WDR86: variants seen among roughly 807,000 people sequenced by gnomAD.
The protein encoded by WDR86 is WD repeat domain 86, also known as WD repeat-containing protein 86.
WDR86 carries 30 observed loss-of-function variants against 36.5 expected under a neutral mutation model. The observed-to-expected ratio is 0.82, with a 90% CI of 0.61 to 1.11. The LOEUF is 1.11. Ranked by LOEUF, WDR86 falls within the 50% of genes most tolerant of loss-of-function variation. The pLI is 0.00. For missense variants in WDR86, 545 were observed against 561.2 expected (o/e 0.97, Z 0.29); for synonymous variants, 255 against 252.9 (o/e 1.01, Z -0.08).
chr7:151,381,496 T>C lies in WDR86; in HGVS notation c.*86A>G, dbSNP rs1293954974. The C allele has an allele frequency of 7.5e-6, 11 of 1,459,928 alleles. No individual in the cohort carries two copies. Among genetic ancestry groups the C allele is most frequent in the Non-Finnish European group, 9.9e-6 (11 of 1,115,734 alleles). The allele number at this position is 1,459,928 out of a possible 1,614,324, so 90.4% of individuals were successfully genotyped here. The stretch of plus-strand genomic sequence containing the variant: ...CTCGCTCCTCGCCCCTCGCCGGCCA[T>C]CGGGCGCCACCACCGCGGGTAGCAG... On this transcript the variant is annotated 3_prime_UTR_variant, in exon 6 of 6. Transcript: ENST00000334493. The surrounding 1 kb of genome is among the most constrained non-coding windows in gnomAD (Gnocchi z 4.8).
the WDR86 span, among the ~76,000 whole-genome samples, chr7:151,370,728 GT>G: frequency 7.7e-6 from 1 of 129,834 alleles, no homozygotes; most frequent in African/African-American, 3.0e-5. Flanking sequence ...AGAGTGTGAT[GT>G]CCCCCTTCCT....
downstream of WDR86, among the ~76,000 whole-genome samples, chr7:151,372,528 T>A (rs1798009465): frequency 6.6e-6 from 1 of 152,150 alleles, no homozygotes; most frequent in African/African-American, 2.4e-5. Flanking sequence ...AAGCAGAGGA[T>A]GGGGCCAGTA....
At chr7:151,402,047 C>CAAAAAAAA (rs71198714) in intron 1 of WDR86, among the ~76,000 whole-genome samples, 8 of 14,954 alleles carry the variant, frequency 5.3e-4, no homozygotes, top group Non-Finnish European at 7.9e-4. Flanking sequence ...AACTCTGCCT[C>CAAAAAAAA]AAAAAAAAAA....
chr7:151,395,604 C>T (rs10952311), intron 3 of WDR86, among the ~76,000 whole-genome samples, 172 bp downstream of exon 3: 103,703 of 151,672 alleles, frequency 0.68, 35,613 homozygotes, highest in East Asian at 0.83. Flanking sequence ...TACTGCGGAC[C>T]CCTTATCTTG....
intron 2 of WDR86, 80 bp downstream of exon 2, chr7:151,400,020 G>C: frequency 7.4e-7 from 1 of 1,346,724 alleles, no homozygotes. Flanking sequence ...TCACGTGCAG[G>C]GGCCCATATC....
downstream of WDR86, among the ~76,000 whole-genome samples, chr7:151,379,966 TC>T (rs1415511049): frequency 6.6e-6 from 1 of 152,154 alleles, no homozygotes; most frequent in Non-Finnish European, 1.5e-5. Context: ...ACCGGAACCG[TC>T]CCTTCAGCAC....
chr7:151,381,570 G>A lies in WDR86; in HGVS notation c.*12C>T. ...GGGTGTCTGGGCTGGCGTCTGCAGG[G>A]GCCCCGCGGGATCAGGCCGGCTGCA... On this transcript the variant is annotated 3_prime_UTR_variant, in exon 6 of 6. Coordinates refer to ENST00000334493, the MANE Select transcript of WDR86 (RefSeq NM_198285.3). This position sits in a 1 kb window ranked among gnomAD's most constrained non-coding sequence, Gnocchi z 4.8. 2 of 1,372,638 alleles carry A rather than the reference G, an allele frequency of 1.5e-6. No homozygotes were observed. Among genetic ancestry groups the A allele is most frequent in the Non-Finnish European group, 1.9e-6 (2 of 1,073,300 alleles). 85.0% of individuals were successfully genotyped at this position (1,372,638 alleles called of 1,614,324 possible).
rs904515382 is a variant in WDR86, at chr7:151,390,600, C to T, written c.726+5176G>A. ...ACTGAAGGCAGGATGCACCCAGATC[C>T]CGTCCACCCGTTCACAACAGCTGAA... On this transcript the variant is annotated intron_variant, in intron 3 of 5. Transcript: ENST00000334493. The surrounding 1 kb of genome is among the most constrained non-coding windows in gnomAD (Gnocchi z 4.5). 3.3e-5 allele frequency among the ~76,000 whole-genome samples: 5 copies of T among 152,332 alleles called. No individual in the cohort carries two copies. The highest frequency in any genetic ancestry group is 3.4e-3 in the Middle Eastern group (1 of 294).
chr7:151,397,810 G>A (rs1352195171), intron 2 of WDR86, among the ~76,000 whole-genome samples: 56 of 131,300 alleles, frequency 4.3e-4, no homozygotes, highest in Admixed American at 3.9e-3. Flanking sequence ...AGGGCATAGC[G>A]GGAGGAAGAG....
chr7:151,381,079 A>C, downstream of WDR86: 1 of 1,121,058 alleles, frequency 8.9e-7, no homozygotes, highest in Non-Finnish European at 1.1e-6. The surrounding 1 kb of genome is among the most constrained non-coding windows in gnomAD (Gnocchi z 4.8). Context: ...CTCCAAAAAG[A>C]AGCTGAGACT....
At chr7:151,402,070 A>AATATATATATATATATAT (rs748373598) in intron 1 of WDR86, among the ~76,000 whole-genome samples, 94 of 50,382 alleles carry the variant, frequency 1.9e-3, no homozygotes, top group African/African-American at 3.2e-3. Context: ...AAAAAAAAAA[A>AATATATATATATATATAT]ATATATATAT....
chr7:151,407,936 A>C (rs531864676), intron 1 of WDR86, among the ~76,000 whole-genome samples: 2 of 152,226 alleles, frequency 1.3e-5, no homozygotes, highest in East Asian at 1.9e-4. Flanking sequence ...CATTTCTGAA[A>C]CACCACCCAC....
intron 1 of WDR86, among the ~76,000 whole-genome samples, chr7:151,404,484 C>T (rs1235544984): frequency 6.6e-6 from 1 of 152,164 alleles, no homozygotes; most frequent in Non-Finnish European, 1.5e-5. Flanking sequence ...CAAAACAGGC[C>T]TCCACTGACC....
downstream of WDR86, among the ~76,000 whole-genome samples, chr7:151,370,938 T>A (rs1051894441): frequency 6.6e-6 from 1 of 152,182 alleles, no homozygotes; most frequent in Non-Finnish European, 1.5e-5. Flanking sequence ...ATTGTCACAC[T>A]CATGTCATTC....
chr7:151,376,502 T>A (rs1003025846), downstream of WDR86: 14 of 859,178 alleles, frequency 1.6e-5, no homozygotes, highest in Non-Finnish European at 2.3e-5. Flanking sequence ...AAGCATGACT[T>A]GTGCACAAAG....
chr7:151,381,232 C>T lies in WDR86; in HGVS notation c.*350G>A. On this transcript the variant is annotated 3_prime_UTR_variant, in exon 6 of 6. Coordinates refer to ENST00000334493, the MANE Select transcript of WDR86 (RefSeq NM_198285.3). The surrounding 1 kb of genome is among the most constrained non-coding windows in gnomAD (Gnocchi z 4.8). ...TCTGTAAAAAGTCACTTCCTCTCAG[C>T]AGGAAAGGCCCAGTTTCGTGGGGCT... 1 of 1,286,656 alleles carries T rather than the reference C, an allele frequency of 7.8e-7. No homozygotes were observed. The highest frequency in any genetic ancestry group is 9.8e-7 in the Non-Finnish European group (1 of 1,021,270). The allele number at this position is 1,286,656 out of a possible 1,614,324, so 79.7% of individuals were successfully genotyped here. A position where few individuals can be genotyped will look rare whatever the true frequency, so the allele number is the denominator to read the frequency against.
chr7:151,402,047 C>CAAAAAAAAAAAAA (rs71198714), intron 1 of WDR86, among the ~76,000 whole-genome samples: 2 of 14,960 alleles, frequency 1.3e-4, no homozygotes, highest in Non-Finnish European at 2.3e-4. Context: ...AACTCTGCCT[C>CAAAAAAAAAAAAA]AAAAAAAAAA....
At chr7:151,374,312 G>A, downstream of WDR86, 1 of 1,520,424 alleles carries the variant, frequency 6.6e-7, no homozygotes. Flanking sequence ...TCCCTCCATG[G>A]CTCTCCAGCA....
chr7:151,397,025 T>C (rs1205101750), intron 2 of WDR86, among the ~76,000 whole-genome samples: 4 of 152,196 alleles, frequency 2.6e-5, no homozygotes, highest in Non-Finnish European at 4.4e-5. Flanking sequence ...AAACACACAT[T>C]TGTCTTTAGT....
Sources: allele counts gnomAD v4.1 joint callset (sites outside exome capture counted in the v4.1 genomes callset), GRCh38; gene constraint gnomAD v4.1.1; non-coding constraint Gnocchi (gnomAD v3.1); transcripts MANE v1.5; gene names NCBI Gene and HGNC (gene_info 2026-07-23, HGNC 2026-07-21).